The following ADGRL3 variants were observed in gnomAD, a reference collection of about 807,000 sequenced individuals.
ADGRL3 encodes calcium-independent alpha-latrotoxin receptor 3.
In ADGRL3, 62 loss-of-function variants were observed where a neutral mutation model predicts 153.5. The ratio of observed to expected loss-of-function variants is 0.40; its 90% CI spans 0.33 to 0.50. The LOEUF (loss-of-function observed/expected upper bound fraction) is 0.50. Among genes scored for constraint, ADGRL3 ranks in the 20% least tolerant of loss-of-function variants. The pLI is 0.47. For missense variants in ADGRL3, 1,641 were observed against 1,859.4 expected, an observed-to-expected ratio of 0.88 and a Z score of 2.16; for synonymous variants, 710 against 672.5, an observed-to-expected ratio of 1.06 and a Z score of -0.86.
chr4:61,682,566 T>TAA (rs1561056695), intron 6 of ADGRL3, among the ~76,000 whole-genome samples: 27 of 143,258 alleles, frequency 1.9e-4, no homozygotes, highest in Admixed American at 5.7e-4. Context: ...TAAAAAAATT[T>TAA]TTTTTTTTTT....
chr4:61,665,822 C>T (rs2094773588), intron 5 of ADGRL3, among the ~76,000 whole-genome samples: 1 of 152,096 alleles, frequency 6.6e-6, no homozygotes, highest in African/African-American at 2.4e-5. Context: ...CATGGCCTGA[C>T]TTAATACATC....
intron 1 of ADGRL3, among the ~76,000 whole-genome samples, chr4:61,366,236 G>A (rs1185775686): frequency 6.6e-6 from 1 of 152,134 alleles, no homozygotes; most frequent in Non-Finnish European, 1.5e-5. Context: ...AAAGGTTCTA[G>A]ATTTCTATAA....
chr4:61,843,519 A>G (rs1032921420), intron 9 of ADGRL3, among the ~76,000 whole-genome samples: 1 of 152,178 alleles, frequency 6.6e-6, no homozygotes. Context: ...AAGAGGAGCC[A>G]TTGTGGATCA....
At chr4:61,666,814 A>G (rs1178513077) in intron 5 of ADGRL3, among the ~76,000 whole-genome samples, 3 of 152,136 alleles carry the variant, frequency 2.0e-5, no homozygotes, top group Non-Finnish European at 4.4e-5. Flanking sequence ...CATACATACA[A>G]ATAAAGAATA....
chr4:61,258,481 G>C (rs566856014), intron 1 of ADGRL3, among the ~76,000 whole-genome samples: 1 of 152,166 alleles, frequency 6.6e-6, no homozygotes, highest in Non-Finnish European at 1.5e-5. Context: ...TTGCCTTCCT[G>C]ATTCTTTCCT....
intron 5 of ADGRL3, among the ~76,000 whole-genome samples, chr4:61,630,367 G>A (rs1038968043): frequency 2.0e-4 from 30 of 152,200 alleles, no homozygotes; most frequent in African/African-American, 7.2e-4. Context: ...GCAAGTAATA[G>A]GAACTCAGTA....
intron 6 of ADGRL3, among the ~76,000 whole-genome samples, chr4:61,722,357 G>T (rs1580453887): frequency 6.6e-6 from 1 of 152,078 alleles, no homozygotes; most frequent in East Asian, 1.9e-4. Flanking sequence ...TCATGCAAGA[G>T]AATAGAACAA....
At chr4:61,830,183 T>C (rs910262561) in intron 9 of ADGRL3, among the ~76,000 whole-genome samples, 1 of 151,998 alleles carries the variant, frequency 6.6e-6, no homozygotes, top group Non-Finnish European at 1.5e-5. Flanking sequence ...TAATTTTTCT[T>C]TTTTTGTAGA....
At chr4:61,694,179 A>ATTTTTTTTT (rs554084495) in intron 6 of ADGRL3, among the ~76,000 whole-genome samples, 1 of 26,706 alleles carries the variant, frequency 3.7e-5, no homozygotes, top group Non-Finnish European at 7.1e-5. Context: ...TTTTGTCATT[A>ATTTTTTTTT]TTTTTTTTTT....
intron 8 of ADGRL3, among the ~76,000 whole-genome samples, chr4:61,766,817 G>A (rs1225999964): frequency 1.3e-5 from 2 of 151,932 alleles, no homozygotes; most frequent in Non-Finnish European, 2.9e-5. Flanking sequence ...TGTAGAGGCA[G>A]GTATTGAGGA....
Position 62,070,611 on chromosome 4 carries a change from G to A in ADGRL3, c.4335G>A (p.Gln1445=). Residue 1445 remains glutamine (Q), a synonymous_variant, in exon 27 of 27, where the codon CAG becomes CAA. Coordinates refer to ENST00000683033, the MANE Select transcript of ADGRL3 (RefSeq NM_001387552.1). ...CCAACGAGCACACAGAAGATCTCCA[G>A]TCACCCCATAGAGACTCTCTCTATA... ...LLTNEHTEDL[Q]SPHRDSLYTS... is the part of the protein sequence containing the mutation. 6.4e-7 allele frequency: 1 copy of A among 1,551,538 alleles called. No homozygotes were observed. The highest frequency in any genetic ancestry group is 8.7e-7 in the Non-Finnish European group (1 of 1,147,024).
At chr4:61,984,828 C>T (rs184051032) in intron 19 of ADGRL3, among the ~76,000 whole-genome samples, 30 of 151,888 alleles carry the variant, frequency 2.0e-4, no homozygotes, top group Middle Eastern at 3.4e-3. Context: ...AATTGGAAGG[C>T]GTGAAGACAT....
intron 8 of ADGRL3, among the ~76,000 whole-genome samples, chr4:61,773,036 G>T (rs1251938652): frequency 6.6e-6 from 1 of 152,150 alleles, no homozygotes; most frequent in Non-Finnish European, 1.5e-5. Context: ...GCAAAGACAT[G>T]CATAAGGTGT....
At chr4:61,212,843 A>AT (rs892240580) in intron 1 of ADGRL3, among the ~76,000 whole-genome samples, 10 of 151,496 alleles carry the variant, frequency 6.6e-5, no homozygotes, top group East Asian at 3.9e-4. Context: ...TGCTGTCAAC[A>AT]TTTTTTTTTA....
chr4:61,848,614 T>C lies in ADGRL3; in HGVS notation c.1480+34725T>C, dbSNP rs1003182289. ...CCAGGGGTTAGGACTTCAATGTATC[T>C]TTTTGAGGGACACAATTCAACCCAT... On this transcript the variant is annotated intron_variant, in intron 9 of 26. Transcript: ENST00000683033. Among the ~76,000 whole-genome samples the C allele has an allele frequency of 2.6e-5, 4 of 152,120 alleles. No individual in the cohort carries two copies. The South Asian group carries it at 8.3e-4, about 31-fold the overall frequency.
intron 5 of ADGRL3, among the ~76,000 whole-genome samples, chr4:61,596,595 A>T (rs1327943305): frequency 1.3e-5 from 2 of 152,138 alleles, no homozygotes; most frequent in Non-Finnish European, 2.9e-5. Flanking sequence ...GCTTTAATTG[A>T]CTCATTGTTT....
At chr4:61,593,704 G>T (rs966052236) in intron 5 of ADGRL3, among the ~76,000 whole-genome samples, 7 of 152,108 alleles carry the variant, frequency 4.6e-5, no homozygotes, top group Non-Finnish European at 8.8e-5. Context: ...TTTCGGTTTG[G>T]TTTTTTCCCT....
At chr4:61,792,851 C>T (rs913786031) in intron 8 of ADGRL3, among the ~76,000 whole-genome samples, 5 of 152,066 alleles carry the variant, frequency 3.3e-5, no homozygotes, top group African/African-American at 1.2e-4. Flanking sequence ...TGCCTGTTAA[C>T]CAGTTCCAAA....
intron 8 of ADGRL3, among the ~76,000 whole-genome samples, chr4:61,766,175 G>A (rs1293347083): frequency 6.6e-6 from 1 of 152,054 alleles, no homozygotes; most frequent in African/African-American, 2.4e-5. Flanking sequence ...GTGGGAGGTA[G>A]GATTGAAGTC....
Sources: allele counts gnomAD v4.1 joint callset (sites outside exome capture counted in the v4.1 genomes callset), GRCh38; gene constraint gnomAD v4.1.1; transcripts MANE v1.5; gene names NCBI Gene and HGNC (gene_info 2026-07-23, HGNC 2026-07-21).